Variants in CELA3B observed in about 807,000 individuals in gnomAD.
CELA3B encodes chymotrypsin like elastase 3B.
Under a neutral mutation model 37.2 loss-of-function variants are expected in CELA3B, and 34 were observed. That is an observed-to-expected ratio of 0.91 (90% CI 0.70 to 1.22). The LOEUF is 1.22. Ranked by LOEUF, CELA3B falls within the 50% of genes most tolerant of loss-of-function variation. CELA3B has a pLI of 0.00. For synonymous variants in CELA3B, 127 were observed against 143.5 expected (o/e 0.89, Z 0.82); for missense variants, 340 against 363.1 (o/e 0.94, Z 0.52).
In CELA3B at chr1:21,989,279, G is replaced by A. The variant is rs1187718894; in HGVS notation, c.813G>A (p.Ter271=). ...DWIEETIASH[*] is the part of the protein sequence containing the mutation. ...TTTTCCAGACCATAGCAAGCCACTA[G>A]AACCAAGGCCCAGCTGGCAGTGCTG... The change falls in exon 8 of 8, where the codon TAG becomes TAA. Residue 271 remains the stop codon, a stop_retained_variant. Transcript: ENST00000337107. 3 of 1,552,136 alleles carry A rather than the reference G, an allele frequency of 1.9e-6. No homozygotes were observed. Among genetic ancestry groups the A allele is most frequent in the African/African-American group, 2.7e-5 (2 of 72,892 alleles).
At chr1:21,989,587 G>GA (rs1023366812), downstream of CELA3B, among the ~76,000 whole-genome samples, 5 of 128,644 alleles carry the variant, frequency 3.9e-5, no homozygotes, top group African/African-American at 1.5e-4. Context: ...AAGGTACCAG[G>GA]AAAAATGGGA....
intron 4 of CELA3B, among the ~76,000 whole-genome samples, chr1:21,997,581 G>A (rs191290324): frequency 6.6e-6 from 1 of 150,588 alleles, no homozygotes; most frequent in Non-Finnish European, 1.5e-5. Flanking sequence ...CCAGCTACCT[G>A]GGAGGCTGAG....
intron 6 of CELA3B, among the ~76,000 whole-genome samples, chr1:21,985,625 C>G (rs927020275): frequency 2.0e-5 from 3 of 149,512 alleles, no homozygotes; most frequent in Non-Finnish European, 4.4e-5. Flanking sequence ...GGCTTGGTGG[C>G]TCATGCCTGT....
At chr1:21,994,632 AG>A (rs1251269070) in intron 4 of CELA3B, among the ~76,000 whole-genome samples, 1 of 151,078 alleles carries the variant, frequency 6.6e-6, no homozygotes, top group African/African-American at 2.5e-5. Context: ...AGAAATCCTA[AG>A]CCTGAGCTCG....
At chr1:21,984,991 AT>A (rs1333881398) in intron 6 of CELA3B, among the ~76,000 whole-genome samples, 1 of 152,008 alleles carries the variant, frequency 6.6e-6, no homozygotes, top group African/African-American at 2.4e-5. Context: ...TAAGAATACC[AT>A]CATTGTTCTG....
intron 1 of CELA3B, among the ~76,000 whole-genome samples, chr1:21,977,485 T>G (rs1257372133): frequency 1.3e-5 from 2 of 152,288 alleles, no homozygotes; most frequent in Middle Eastern, 3.4e-3. Flanking sequence ...CCATATTACA[T>G]TCCAGCTCAG....
intron 1 of CELA3B, 76 bp downstream of exon 1, chr1:21,977,158 A>G (rs1434788102): frequency 4.4e-6 from 7 of 1,600,694 alleles, no homozygotes; most frequent in Middle Eastern, 3.3e-4. Context: ...ACTTGCTCTA[A>G]GTCCCATGAC....
Position 21,994,854 on chromosome 1 carries a change from T to C in CELA3B, c.505-3297T>C, listed in dbSNP as rs910172221. ...CTCTCTACAAAAAATATTTTAAAAT[T>C]AGCTGGGCGTGGTGGTGCGTGCCTG... On this transcript the variant is annotated intron_variant, in intron 4 of 4. Transcript: ENST00000400277. Among the ~76,000 whole-genome samples, 29 of 149,944 alleles carry C rather than the reference T, an allele frequency of 1.9e-4. 2 individuals carry two copies. Among genetic ancestry groups the C allele is most frequent in the African/African-American group, 6.7e-4 (27 of 40,424 alleles).
chr1:21,998,242 G>GTCCTT, exon 5 of CELA3B: 1 of 466,030 alleles, frequency 2.1e-6, no homozygotes, highest in Non-Finnish European at 4.5e-6. Flanking sequence ...GCTCTGAGAA[G>GTCCTT]TCCTGTAGGA....
At chr1:21,984,160 C>A (rs1400207144) in intron 5 of CELA3B, 29 bp from the exon 6 acceptor site, 6 of 1,605,364 alleles carry the variant, frequency 3.7e-6, no homozygotes, top group Non-Finnish European at 4.3e-6. Context: ...GCCCCCAGAC[C>A]CCTGACTCGG....
Position 21,983,778 on chromosome 1 carries a change from C to T in CELA3B, c.447C>T (p.Asp149=), listed in dbSNP as rs1399146270. The part of the protein sequence containing the change: ...VQLASLPPAG[D]ILPNETPCYI... The stretch of plus-strand genomic sequence containing the variant: ...TCGCCTCACTCCCTCCGGCTGGTGA[C>T]ATCCTTCCCAACGAGACACCCTGCT... Residue 149 remains aspartate (D), a synonymous_variant, in exon 5 of 8, where the codon GAC becomes GAT. Transcript: ENST00000337107. 4.3e-6 allele frequency: 7 copies of T among 1,614,020 alleles called. No homozygotes were observed. The highest frequency in any genetic ancestry group is 1.3e-5 in the African/African-American group (1 of 74,912).
chr1:21,979,634 T>G (rs1396820615), intron 2 of CELA3B, among the ~76,000 whole-genome samples: 5 of 151,046 alleles, frequency 3.3e-5, no homozygotes, highest in Non-Finnish European at 7.4e-5. Context: ...TATATATTGT[T>G]GTAGAGATGG....
At chr1:21,992,546 C>T (rs188587397), downstream of CELA3B, among the ~76,000 whole-genome samples, 1 of 151,508 alleles carries the variant, frequency 6.6e-6, no homozygotes, top group African/African-American at 2.4e-5. Flanking sequence ...AATCTGTGTC[C>T]TTACCAATCA....
At chr1:21,992,186 G>A (rs1335492021), downstream of CELA3B, among the ~76,000 whole-genome samples, 13 of 151,306 alleles carry the variant, frequency 8.6e-5, no homozygotes, top group Admixed American at 6.6e-5. Context: ...CTGAACAAAC[G>A]TATGTTACAT....
downstream of CELA3B, among the ~76,000 whole-genome samples, chr1:21,992,508 G>T (rs1239382615): frequency 1.3e-5 from 2 of 151,176 alleles, no homozygotes; most frequent in Non-Finnish European, 2.9e-5. Flanking sequence ...CGTGGTCTGT[G>T]GTCTTCTTAT....
At position 21,981,059 on chromosome 1, in the gene CELA3B, G is replaced by T; in HGVS notation, c.249G>T (p.Val83=). The stretch of plus-strand genomic sequence containing the variant: ...GCAGGAGCTCCCGGACCTACCAGGT[G>T]GTGTTGGGCGAGTACGACCGTGCTG... The part of the protein sequence containing the change: ...HCISSSRTYQ[V]VLGEYDRAVK... Residue 83 remains valine, a synonymous_variant, in exon 4 of 8, where the codon GTG becomes GTT. Coordinates refer to ENST00000337107, the MANE Select transcript of CELA3B (RefSeq NM_007352.4). 6 of 1,614,112 alleles carry T rather than the reference G, an allele frequency of 3.7e-6. No homozygotes were observed.
rs1464295896 is a variant in CELA3B, at chr1:21,996,519, T to C, written c.505-1632T>C. Among the ~76,000 whole-genome samples, 8 of 151,254 alleles carry C rather than the reference T, an allele frequency of 5.3e-5. No homozygotes were observed. In the East Asian group the frequency reaches 1.6e-3, roughly 29 times the overall value. On this transcript the variant is annotated intron_variant, in intron 4 of 4. Coordinates refer to the CELA3B transcript ENST00000400277. ...TGAATAATCCACCCCTTGTTTAGCA[T>C]ATCAGCAAGAAATAACCATAAAAAA...
At chr1:21,978,826 C>A (rs967663201) in intron 2 of CELA3B, among the ~76,000 whole-genome samples, 2 of 151,786 alleles carry the variant, frequency 1.3e-5, no homozygotes, top group Non-Finnish European at 2.9e-5. Context: ...AGTGAGGGAT[C>A]TTGTAAGGCC....
rs969623274 is a variant in CELA3B, at chr1:21,997,457, G to T, written c.505-694G>T. Among the ~76,000 whole-genome samples the T allele has an allele frequency of 2.0e-5, 3 of 150,858 alleles. 1 individual carries two copies. Among genetic ancestry groups the T allele is most frequent in the African/African-American group, 7.4e-5 (3 of 40,718 alleles). On this transcript the variant is annotated intron_variant, in intron 4 of 4. Coordinates refer to the CELA3B transcript ENST00000400277. Reference sequence around the variant, plus strand: ...TAATCCCACACTTTGGGAGGCCAAGGTGGGTGGATCACCTGAGGTTAGGAG... The same window carrying T: ...TAATCCCACACTTTGGGAGGCCAAGTTGGGTGGATCACCTGAGGTTAGGAG...
Sources: allele counts gnomAD v4.1 joint callset (sites outside exome capture counted in the v4.1 genomes callset), GRCh38; gene constraint gnomAD v4.1.1; transcripts MANE v1.5; gene names NCBI Gene and HGNC (gene_info 2026-07-23, HGNC 2026-07-21).